Variants in GABRB1 observed in about 807,000 individuals in gnomAD.
The protein encoded by GABRB1 is gamma-aminobutyric acid type A receptor subunit beta1.
Under a neutral mutation model 51.6 loss-of-function variants are expected in GABRB1, and 17 were observed. The ratio of observed to expected loss-of-function variants is 0.33; its 90% CI spans 0.23 to 0.49. The LOEUF (loss-of-function observed/expected upper bound fraction) is 0.49. Ranked by LOEUF, GABRB1 falls within the 20% of genes least tolerant of loss-of-function variation. The probability of loss-of-function intolerance (pLI) is 0.99; values close to 1 mark genes in which losing one functional copy is unlikely to be tolerated. For synonymous variants in GABRB1, 247 were observed against 218.9 expected, an observed-to-expected ratio of 1.13 and a Z score of -1.14; for missense variants, 410 against 600.6, an observed-to-expected ratio of 0.68 and a Z score of 3.32.
At chr4:47,290,879 G>T (rs1243868659) in intron 4 of GABRB1, among the ~76,000 whole-genome samples, 1 of 152,144 alleles carries the variant, frequency 6.6e-6, no homozygotes, top group Non-Finnish European at 1.5e-5. Flanking sequence ...TTTCATAAGG[G>T]AAGCAGAGCA....
intron 5 of GABRB1, among the ~76,000 whole-genome samples, chr4:47,324,223 C>T (rs922060785): frequency 2.6e-5 from 4 of 152,128 alleles, no homozygotes; most frequent in Non-Finnish European, 5.9e-5. Context: ...ACCACCATTC[C>T]GAGTTAGTTC....
chr4:47,007,129 G>C (rs1724427232), intron 1 of GABRB1, among the ~76,000 whole-genome samples: 1 of 137,198 alleles, frequency 7.3e-6, no homozygotes, highest in Non-Finnish European at 1.6e-5. Context: ...GACAGAGCGA[G>C]ACCCTGTTTG....
At chr4:47,407,031 T>G (rs998261462) in intron 8 of GABRB1, 105 bp downstream of exon 8, 6 of 1,131,324 alleles carry the variant, frequency 5.3e-6, no homozygotes, top group Non-Finnish European at 7.4e-6. Context: ...ATAGTTGATA[T>G]TTAATAAGAC....
chr4:47,373,712 T>G (rs1319595034), intron 5 of GABRB1, among the ~76,000 whole-genome samples: 2 of 152,168 alleles, frequency 1.3e-5, no homozygotes, highest in East Asian at 3.9e-4. Context: ...ATCATCAGAC[T>G]CACAAACAGC....
At chr4:47,384,137 A>G (rs141363463) in intron 5 of GABRB1, among the ~76,000 whole-genome samples, 1 of 152,084 alleles carries the variant, frequency 6.6e-6, no homozygotes, top group Non-Finnish European at 1.5e-5. Context: ...CATATTCACC[A>G]CGTAAAATTT....
intron 7 of GABRB1, among the ~76,000 whole-genome samples, chr4:47,405,421 T>C (rs950929019): frequency 7.9e-5 from 12 of 152,214 alleles, no homozygotes; most frequent in Non-Finnish European, 1.8e-4. Flanking sequence ...GTCTTTACTA[T>C]CTATTTTATA....
intron 4 of GABRB1, among the ~76,000 whole-genome samples, chr4:47,208,120 T>G (rs1720213169): frequency 6.6e-6 from 1 of 151,956 alleles, no homozygotes; most frequent in Non-Finnish European, 1.5e-5. Flanking sequence ...ACAATAAGGG[T>G]GTTTGTGTGT....
intron 5 of GABRB1, among the ~76,000 whole-genome samples, chr4:47,391,064 T>C (rs921208062): frequency 6.6e-6 from 1 of 152,048 alleles, no homozygotes; most frequent in Non-Finnish European, 1.5e-5. Context: ...TAATCCCAGC[T>C]ACTCAGGAGG....
intron 4 of GABRB1, among the ~76,000 whole-genome samples, chr4:47,252,953 A>G (rs1722050325): frequency 6.6e-6 from 1 of 152,238 alleles, no homozygotes; most frequent in Non-Finnish European, 1.5e-5. Context: ...TTTTTATAGT[A>G]CTTACCACAT....
intron 4 of GABRB1, among the ~76,000 whole-genome samples, chr4:47,216,237 A>G (rs1720550940): frequency 6.6e-6 from 1 of 151,956 alleles, no homozygotes; most frequent in African/African-American, 2.4e-5. Context: ...ATATCAAAAT[A>G]CTGATAATAC....
At chr4:47,268,117 A>G (rs1268920611) in intron 4 of GABRB1, among the ~76,000 whole-genome samples, 1 of 152,186 alleles carries the variant, frequency 6.6e-6, no homozygotes, top group African/African-American at 2.4e-5. Flanking sequence ...AAATGACTCA[A>G]CCCAAAAATT....
intron 5 of GABRB1, among the ~76,000 whole-genome samples, chr4:47,353,780 ATAACCAGTAG>A (rs1463016486): frequency 6.6e-6 from 1 of 152,184 alleles, no homozygotes; most frequent in Non-Finnish European, 1.5e-5. Context: ...TTCCATTCCC[ATAACCAGTAG>A]TAACCGAGTT....
In GABRB1 at chr4:47,378,404, G is replaced by A. The variant is rs569317601; in HGVS notation, c.545-24914G>A. 7.2e-5 allele frequency among the ~76,000 whole-genome samples: 11 copies of A among 152,240 alleles called. No homozygotes were observed. In the East Asian group the frequency reaches 1.9e-3, roughly 27 times the overall value. ...GAACTCGTGCTGGCCCGCAAGCACC[G>A]CGCGCAGCCCGGGTTCCCGCCCACA... On this transcript the variant is annotated intron_variant, in intron 5 of 8. Coordinates refer to ENST00000295454, the MANE Select transcript of GABRB1 (RefSeq NM_000812.4).
intron 5 of GABRB1, among the ~76,000 whole-genome samples, chr4:47,363,198 C>T (rs1227700475): frequency 6.6e-6 from 1 of 152,106 alleles, no homozygotes; most frequent in East Asian, 1.9e-4. Flanking sequence ...ATTTATTATA[C>T]TCACTTTAGA....
At chr4:47,407,065 A>G (rs1728600124) in intron 8 of GABRB1, 139 bp downstream of exon 8, 1 of 854,630 alleles carries the variant, frequency 1.2e-6, no homozygotes, top group Non-Finnish European at 1.8e-6. Context: ...CATTTTACAT[A>G]TTCAGGGACT....
chr4:47,243,703 T>A (rs941884705), intron 4 of GABRB1, among the ~76,000 whole-genome samples: 1 of 152,124 alleles, frequency 6.6e-6, no homozygotes, highest in Non-Finnish European at 1.5e-5. Context: ...TTGGTGTAGA[T>A]GAATGCTTGT....
Position 47,406,875 on chromosome 4 carries a change from A to G in GABRB1, c.1029A>G (p.Lys343=), listed in dbSNP as rs780557867. Residue 343 remains lysine (K), a synonymous_variant, in exon 8 of 9, where the codon AAA becomes AAG. Coordinates refer to ENST00000295454, the MANE Select transcript of GABRB1 (RefSeq NM_000812.4). The part of the protein sequence containing the change: ...GKGPQKKGAS[K]QDQSANEKNK... ...GCCCTCAGAAAAAGGGAGCTAGCAA[A>G]CAAGACCAGAGTGCCAATGAGAAGA... 3.1e-6 allele frequency: 5 copies of G among 1,614,164 alleles called. No homozygotes were observed. Among genetic ancestry groups the G allele is most frequent in the Non-Finnish European group, 3.4e-6 (4 of 1,180,010 alleles).
At chr4:47,350,182 A>ATT (rs1169882188) in intron 5 of GABRB1, among the ~76,000 whole-genome samples, 3 of 80,202 alleles carry the variant, frequency 3.7e-5, no homozygotes, top group South Asian at 5.3e-4. Context: ...TTGGGCTCAG[A>ATT]TTATATATAT....
chr4:47,310,700 T>G (rs779854239), intron 4 of GABRB1, among the ~76,000 whole-genome samples: 7 of 152,108 alleles, frequency 4.6e-5, no homozygotes, highest in Non-Finnish European at 7.4e-5. Flanking sequence ...TTTCTTATCT[T>G]TGATATTGGA....
Sources: gnomAD v4.1 joint callset for allele counts (sites outside exome capture counted in the v4.1 genomes callset) on GRCh38, gnomAD v4.1.1 for gene constraint, MANE v1.5 for transcripts, NCBI Gene and HGNC (gene_info 2026-07-23, HGNC 2026-07-21) for gene names.